The following CBX3 variants were observed in gnomAD, a reference collection of about 807,000 sequenced individuals.
CBX3 encodes the protein chromobox 3, also known as chromobox protein homolog 3.
CBX3 carries 5 observed loss-of-function variants against 22.6 expected under a neutral mutation model. The ratio of observed to expected loss-of-function variants is 0.22; its 90% CI spans 0.12 to 0.47. CBX3 has a LOEUF of 0.47. Among genes scored for constraint, CBX3 ranks in the 20% least tolerant of loss-of-function variants. The pLI is 0.99. For missense variants in CBX3, 83 were observed against 208.1 expected, an observed-to-expected ratio of 0.40 and a Z score of 3.70; for synonymous variants, 50 against 66.6, an observed-to-expected ratio of 0.75 and a Z score of 1.21.
chr7:26,205,707 T>A lies in CBX3; in HGVS notation c.25-661T>A, dbSNP rs191280706. On this transcript the variant is annotated intron_variant, in intron 2 of 5. Coordinates refer to ENST00000396386, the MANE Select transcript of CBX3 (RefSeq NM_016587.4). ...CTAAGACCTGTCACTACTACTTGCT[T>A]CTCTGTATCACCCTTTAGGTACTTC... is the stretch of plus-strand genomic sequence containing the variant. 1.6e-4 allele frequency among the ~76,000 whole-genome samples: 24 copies of A among 152,352 alleles called. No homozygotes were observed. In the East Asian group the frequency reaches 4.4e-3, roughly 28 times the overall value.
intron 1 of CBX3, chr7:26,202,178 C>G (rs1246229206): frequency 6.6e-6 from 1 of 152,006 alleles, no homozygotes. Context: ...AGACTTGGGC[C>G]TCCCGGAGGG....
chr7:26,209,669 A>G (rs1039062824), intron 4 of CBX3, among the ~76,000 whole-genome samples: 3 of 151,912 alleles, frequency 2.0e-5, no homozygotes, highest in South Asian at 4.2e-4. Context: ...TTCACTATAC[A>G]TGTGTTTTGG....
intron 4 of CBX3, among the ~76,000 whole-genome samples, chr7:26,209,726 G>T (rs1351607919): frequency 6.6e-6 from 1 of 152,120 alleles, no homozygotes; most frequent in African/African-American, 2.4e-5. Context: ...GGCAAATCAG[G>T]TAACTTCTTA....
intron 2 of CBX3, among the ~76,000 whole-genome samples, chr7:26,204,062 T>G (rs916189825): frequency 6.6e-6 from 1 of 152,226 alleles, no homozygotes; most frequent in Middle Eastern, 3.2e-3. Flanking sequence ...GTGAGATATG[T>G]GTGCTGTTAA....
chr7:26,207,200 T>C (rs1562745820), intron 3 of CBX3, among the ~76,000 whole-genome samples: 2 of 152,204 alleles, frequency 1.3e-5, no homozygotes, highest in Non-Finnish European at 2.9e-5. Flanking sequence ...ATGGAGCATA[T>C]GATAGTCGAA....
chr7:26,204,311 C>T (rs1016062368), intron 2 of CBX3, among the ~76,000 whole-genome samples: 3 of 151,910 alleles, frequency 2.0e-5, no homozygotes, highest in Admixed American at 2.0e-4. Flanking sequence ...AGCCTTCTCC[C>T]TTTGTGGCAG....
chr7:26,203,130 C>A, intron 2 of CBX3, 108 bp downstream of exon 2: 1 of 689,190 alleles, frequency 1.5e-6, no homozygotes, highest in Non-Finnish European at 2.5e-6. Context: ...ACATATTTCC[C>A]AGCTCTCCCA....
chr7:26,206,325 T>C, intron 2 of CBX3, 43 bp from the exon 3 acceptor site: 1 of 1,363,374 alleles, frequency 7.3e-7, no homozygotes, highest in Non-Finnish European at 1.0e-6. Flanking sequence ...GTGCTCAAAA[T>C]TCAAGAGGAA....
At chr7:26,209,665 A>G (rs559907152) in intron 4 of CBX3, among the ~76,000 whole-genome samples, 2 of 152,212 alleles carry the variant, frequency 1.3e-5, no homozygotes, top group South Asian at 2.1e-4. Context: ...TTCATTCACT[A>G]TACATGTGTT....
intron 1 of CBX3, 190 bp from the exon 2 acceptor site, chr7:26,202,781 C>T (rs950876483): frequency 7.2e-6 from 4 of 557,264 alleles, no homozygotes; most frequent in Middle Eastern, 6.3e-4. Context: ...TCTTTCTAGA[C>T]TCACATGGTT....
At chr7:26,203,980 T>A (rs1273770164) in intron 2 of CBX3, among the ~76,000 whole-genome samples, 13 of 152,238 alleles carry the variant, frequency 8.5e-5, no homozygotes, top group Non-Finnish European at 2.9e-5. Context: ...GTATTTAGTT[T>A]ATTTTGTGAA....
In CBX3 at chr7:26,206,466, G is replaced by C; in HGVS notation, c.123G>C (p.Val41=). Residue 41 remains valine (V), a synonymous_variant, in exon 3 of 6, where the codon GTG becomes GTC. Transcript: ENST00000396386. ...VVEKVLDRRV[V]NGKVEYFLKW... ...AAAAAGTACTAGATCGACGTGTAGT[G>C]AATGGGAAAGTGGAATATTTCCTGA... 6.2e-7 allele frequency: 1 copy of C among 1,614,066 alleles called. No individual in the cohort carries two copies. Among genetic ancestry groups the C allele is most frequent in the South Asian group, 1.1e-5 (1 of 91,074 alleles).
chr7:26,201,616 G>A (rs1584027624), upstream of CBX3: 1 of 148,558 alleles, frequency 6.7e-6, no homozygotes, highest in Middle Eastern at 3.5e-3. Flanking sequence ...CCAATTCCCA[G>A]CGGGCGCGGC....
chr7:26,205,447 T>G (rs1416150446), intron 2 of CBX3, among the ~76,000 whole-genome samples: 1 of 152,214 alleles, frequency 6.6e-6, no homozygotes, highest in Admixed American at 6.5e-5. Flanking sequence ...TTGTTCTAAG[T>G]GGTAGGAAAT....
chr7:26,205,297 A>G (rs1475033943), intron 2 of CBX3, among the ~76,000 whole-genome samples: 2 of 152,202 alleles, frequency 1.3e-5, no homozygotes, highest in African/African-American at 4.8e-5. Flanking sequence ...GTGTCATACC[A>G]AAGAAAATGC....
intron 4 of CBX3, among the ~76,000 whole-genome samples, 198 bp from the exon 5 acceptor site, chr7:26,211,464 T>G (rs1784801854): frequency 6.6e-6 from 1 of 152,188 alleles, no homozygotes; most frequent in Non-Finnish European, 1.5e-5. Context: ...TTCAGAAATT[T>G]TAAGTATTCT....
chr7:26,207,801 A>G (rs1784712862), intron 3 of CBX3, among the ~76,000 whole-genome samples: 1 of 151,966 alleles, frequency 6.6e-6, no homozygotes, highest in Non-Finnish European at 1.5e-5. Context: ...TACAGGTGTG[A>G]GCCACCGTGC....
intron 2 of CBX3, among the ~76,000 whole-genome samples, chr7:26,204,425 A>G (rs1448269115): frequency 2.6e-5 from 4 of 152,160 alleles, no homozygotes. Context: ...TGTACTGTAC[A>G]GTGGCAGAAA....
intron 3 of CBX3, among the ~76,000 whole-genome samples, chr7:26,207,518 C>G (rs140718854): frequency 1.3e-5 from 2 of 151,938 alleles, no homozygotes; most frequent in East Asian, 3.9e-4. Context: ...ATGTAAAAGA[C>G]TTTTTTTTGT....
Sources: allele counts gnomAD v4.1 joint callset (sites outside exome capture counted in the v4.1 genomes callset), GRCh38; gene constraint gnomAD v4.1.1; transcripts MANE v1.5; gene names NCBI Gene and HGNC (gene_info 2026-07-23, HGNC 2026-07-21).